NELL2: variants seen among roughly 807,000 people sequenced by gnomAD.
NELL2 encodes neural EGFL like 2.
A neutral mutation model predicts 109.6 loss-of-function variants in NELL2; 41 were observed. That is an observed-to-expected ratio of 0.37 (90% confidence interval 0.29 to 0.49). NELL2 has a LOEUF of 0.49. Among genes scored for constraint, NELL2 ranks in the 20% least tolerant of loss-of-function variants. The pLI is 0.98. For synonymous variants in NELL2, 355 were observed against 344.7 expected, an observed-to-expected ratio of 1.03 and a Z score of -0.33; for missense variants, 900 against 1,008.3, an observed-to-expected ratio of 0.89 and a Z score of 1.45.
chr12:44,727,214 C>T (rs1939129730), intron 9 of NELL2, among the ~76,000 whole-genome samples: 2 of 151,976 alleles, frequency 1.3e-5, no homozygotes, highest in Non-Finnish European at 2.9e-5. Context: ...TGTGTGGAAT[C>T]CAAACAAACT....
At chr12:44,732,787 T>C (rs577432179) in intron 9 of NELL2, among the ~76,000 whole-genome samples, 2 of 152,060 alleles carry the variant, frequency 1.3e-5, no homozygotes, top group South Asian at 4.1e-4. Flanking sequence ...CGAGAAAATA[T>C]GCAAATTGTA....
rs57205620 is a variant in NELL2 at position 44,540,781 on chromosome 12, C to CAAAAAAAAAAAAAAAAAAAAAAAAA, written c.1664-8061_1664-8060insTTTTTTTTTTTTTTTTTTTTTTTTT. Reference sequence around the variant, plus strand: ...AGCTTACTAATGTAAGTCTGCAAGCCAAAAAAAAAAAAAAAAAGCCCATCC... The same window carrying CAAAAAAAAAAAAAAAAAAAAAAAAA: ...AGCTTACTAATGTAAGTCTGCAAGCCAAAAAAAAAAAAAAAAAAAAAAAAAAAAAAAAAAAAAAAAAAGCCCATCC... On this transcript the variant is annotated intron_variant, in intron 15 of 19. Transcript: ENST00000429094. Among the ~76,000 whole-genome samples the CAAAAAAAAAAAAAAAAAAAAAAAAA allele has an allele frequency of 9.7e-4, 48 of 49,734 alleles. 16 individuals are homozygous for CAAAAAAAAAAAAAAAAAAAAAAAAA. Among genetic ancestry groups the CAAAAAAAAAAAAAAAAAAAAAAAAA allele is most frequent in the East Asian group, 3.5e-3 (4 of 1,158 alleles). 32.6% of individuals were successfully genotyped at this position (49,734 alleles called of 152,430 possible).
chr12:44,708,419 A>AT (rs1320943636), intron 11 of NELL2, among the ~76,000 whole-genome samples: 1 of 152,158 alleles, frequency 6.6e-6, no homozygotes, highest in African/African-American at 2.4e-5. Flanking sequence ...CTCTCAGGGA[A>AT]TATTTACTAA....
At chr12:44,839,405 C>T (rs1035816187) in intron 2 of NELL2, among the ~76,000 whole-genome samples, 11 of 151,980 alleles carry the variant, frequency 7.2e-5, no homozygotes, top group Non-Finnish European at 5.9e-5. Flanking sequence ...CAATAGAACA[C>T]ATTAAAAAAG....
chr12:44,561,866 A>G (rs1234411035), intron 15 of NELL2, among the ~76,000 whole-genome samples: 2 of 152,202 alleles, frequency 1.3e-5, no homozygotes, highest in Non-Finnish European at 2.9e-5. Context: ...AGCCAAGACA[A>G]TCCTAAACAA....
At chr12:44,600,179 T>TATTTATTTATTTATTG (rs1555183532) in intron 15 of NELL2, among the ~76,000 whole-genome samples, 2 of 137,920 alleles carry the variant, frequency 1.5e-5, no homozygotes, top group African/African-American at 5.7e-5. Context: ...TTTATTTATT[T>TATTTATTTATTTATTG]ATTGTATTTT....
chr12:44,684,334 G>T (rs1266815109), intron 12 of NELL2, among the ~76,000 whole-genome samples: 1 of 152,042 alleles, frequency 6.6e-6, no homozygotes, highest in Non-Finnish European at 1.5e-5. Context: ...CTTGCTAGTG[G>T]TCTATCAATT....
intron 2 of NELL2, among the ~76,000 whole-genome samples, chr12:44,870,746 C>A (rs1377257399): frequency 6.6e-6 from 1 of 152,094 alleles, no homozygotes; most frequent in East Asian, 1.9e-4. Flanking sequence ...TTCCTTCTCC[C>A]CATTTCAAAA....
chr12:44,912,760 C>T (rs1398206982), intron 1 of NELL2, among the ~76,000 whole-genome samples: 4 of 152,170 alleles, frequency 2.6e-5, no homozygotes, highest in African/African-American at 4.8e-5. Context: ...TAGTTTCCTA[C>T]TAAGTTAATG....
At chr12:44,524,288 C>G (rs150455954) in intron 16 of NELL2, among the ~76,000 whole-genome samples, 1 of 152,224 alleles carries the variant, frequency 6.6e-6, no homozygotes, top group East Asian at 1.9e-4. Flanking sequence ...CAGATCAGGT[C>G]CATAAGAGGA....
At chr12:44,805,195 T>C (rs769175798) in intron 3 of NELL2, among the ~76,000 whole-genome samples, 2 of 151,860 alleles carry the variant, frequency 1.3e-5, no homozygotes, top group Non-Finnish European at 2.9e-5. Flanking sequence ...CATTAACCCA[T>C]AAATGTGATG....
intron 12 of NELL2, among the ~76,000 whole-genome samples, chr12:44,675,904 C>T (rs1004570218): frequency 2.6e-5 from 4 of 152,056 alleles, no homozygotes; most frequent in East Asian, 1.9e-4. Flanking sequence ...AACGTCCAGA[C>T]GAGTCTCAGA....
At chr12:44,847,183 C>T (rs1241118707) in intron 2 of NELL2, among the ~76,000 whole-genome samples, 1 of 152,192 alleles carries the variant, frequency 6.6e-6, no homozygotes, top group Non-Finnish European at 1.5e-5. Flanking sequence ...GGCAGAGCAG[C>T]AACTCACCCC....
chr12:44,872,575 T>C (rs1945194215), intron 2 of NELL2, among the ~76,000 whole-genome samples: 3 of 152,066 alleles, frequency 2.0e-5, no homozygotes, highest in African/African-American at 2.4e-5. Flanking sequence ...GGAAAAGCAA[T>C]ATTAAATGAG....
At chr12:44,658,159 A>C (rs1028668352) in intron 13 of NELL2, among the ~76,000 whole-genome samples, 1 of 152,188 alleles carries the variant, frequency 6.6e-6, no homozygotes, top group Non-Finnish European at 1.5e-5. Context: ...CTGACTTTTT[A>C]ATGATCACCA....
chr12:44,874,408 T>C (rs1945255064), intron 2 of NELL2, among the ~76,000 whole-genome samples: 3 of 152,198 alleles, frequency 2.0e-5, no homozygotes, highest in African/African-American at 7.2e-5. Context: ...AAGCTCTTAT[T>C]ACGGCAACTT....
intron 2 of NELL2, among the ~76,000 whole-genome samples, chr12:44,840,969 A>T (rs1944209812): frequency 6.6e-6 from 1 of 152,242 alleles, no homozygotes; most frequent in Non-Finnish European, 1.5e-5. Context: ...TGTGGCAGAT[A>T]GACCCTTATA....
chr12:44,572,526 G>A lies in NELL2; in HGVS notation c.1663+34643C>T, dbSNP rs1203971235. Among the ~76,000 whole-genome samples, 4 of 151,990 alleles carry A rather than the reference G, an allele frequency of 2.6e-5. No individual in the cohort carries two copies. The East Asian group carries it at 7.7e-4, about 29-fold the overall frequency. ...GAAACTCAGCTAATTAGGCAAATTA[G>A]GAAACATACTAGGAATTTATTTTAG... On this transcript the variant is annotated intron_variant, in intron 15 of 19. Coordinates refer to ENST00000429094, the MANE Select transcript of NELL2 (RefSeq NM_001145108.2).
intron 13 of NELL2, among the ~76,000 whole-genome samples, chr12:44,628,618 G>A (rs774853632): frequency 6.6e-6 from 1 of 152,140 alleles, no homozygotes; most frequent in Non-Finnish European, 1.5e-5. Context: ...CAGGACCCCA[G>A]TGAGGCCCTA....
Sources: allele counts gnomAD v4.1 joint callset (sites outside exome capture counted in the v4.1 genomes callset), GRCh38; gene constraint gnomAD v4.1.1; transcripts MANE v1.5; gene names NCBI Gene and HGNC (gene_info 2026-07-23, HGNC 2026-07-21).